DNAH6: variants seen among roughly 807,000 people sequenced by gnomAD.
DNAH6 encodes the protein dynein axonemal heavy chain 6.
In DNAH6, 340 loss-of-function variants were observed where a neutral mutation model predicts 491.4. The observed-to-expected ratio is 0.69, with a 90% CI of 0.63 to 0.76. The LOEUF is 0.76. Among genes scored for constraint, DNAH6 ranks in the 30% least tolerant of loss-of-function variants. DNAH6 has a pLI of 0.00. For synonymous variants in DNAH6, 1,603 were observed against 1,686.1 expected, an observed-to-expected ratio of 0.95 and a Z score of 1.21; for missense variants, 4,443 against 4,972.2, an observed-to-expected ratio of 0.89 and a Z score of 3.20.
chr2:84,605,660 G>A, intron 20 of DNAH6, 68 bp downstream of exon 20: 1 of 1,021,828 alleles, frequency 9.8e-7, no homozygotes. Context: ...AATCTTCTGT[G>A]AGAGATTATG....
chr2:84,481,282 CAA>C, the DNAH6 span, among the ~76,000 whole-genome samples: 1 of 152,146 alleles, frequency 6.6e-6, no homozygotes, highest in Non-Finnish European at 1.5e-5. Flanking sequence ...TGATTTTAGG[CAA>C]AGACTTTCAA....
rs1245096266 is a variant in DNAH6 at position 84,658,330 on chromosome 2, C to T, written c.5796C>T (p.Phe1932=). 6 of 1,540,970 alleles carry T rather than the reference C, an allele frequency of 3.9e-6. No individual in the cohort carries two copies. The highest frequency in any genetic ancestry group is 1.4e-5 in the African/African-American group (1 of 72,488). Residue 1932 remains phenylalanine, a synonymous_variant, in exon 36 of 77, where the codon TTC becomes TTT. Coordinates refer to ENST00000389394, the MANE Select transcript of DNAH6 (RefSeq NM_001370.2). ...CCCAAGAATATATATTGAATCTTTT[C>T]CAACGTTATGTTGATGAAGGTTTAC... The part of the protein sequence containing the change: ...EETQEYILNL[F]QRYVDEGLHF...
rs187550642 is a variant in DNAH6, at chr2:84,702,704, G to A, written c.8062-691G>A. ...ACTATAGTCAACCGCCACCACGCCC[G>A]ACTAATTTTTTGTATTTTTAGTAGA... is the stretch of plus-strand genomic sequence containing the variant. On this transcript the variant is annotated intron_variant, in intron 49 of 76. Transcript: ENST00000389394. Among the ~76,000 whole-genome samples, 361 of 151,916 alleles carry A rather than the reference G, an allele frequency of 2.4e-3. 4 individuals are homozygous for A. Among genetic ancestry groups the A allele is most frequent in the Admixed American group, 0.02 (312 of 15,256 alleles).
intron 42 of DNAH6, among the ~76,000 whole-genome samples, chr2:84,682,305 C>T (rs1427720427): frequency 1.3e-5 from 2 of 152,256 alleles, no homozygotes; most frequent in African/African-American, 4.8e-5. Flanking sequence ...GCAGGCTCTC[C>T]TGGGGTCCCC....
At position 84,705,490 on chromosome 2, in the gene DNAH6, G is replaced by C. The variant is rs1041621717; in HGVS notation, c.8470G>C (p.Asp2824His). 3 of 1,545,514 alleles carry C rather than the reference G, an allele frequency of 1.9e-6. No individual in the cohort carries two copies. The highest frequency in any genetic ancestry group is 4.0e-5 in the Admixed American group (2 of 50,130). Residue 2824 changes from aspartate (D) to histidine (H), a missense_variant, in exon 52 of 77, where the codon GAT (aspartate) becomes CAT (histidine). Physicochemically the swap from Asp to His is moderately conservative, Grantham distance 81. This residue lies in a region of DNAH6 where 1,463 missense variants were observed against 1,656.6 expected (regional missense o/e 0.88). Transcript: ENST00000389394. ...TATATCATGTCTGTCTTTCAGGCCT[G>C]ATTGGCCATCAGCAAAGCAACTTCT... is the stretch of plus-strand genomic sequence containing the variant. ...AISILLNAKP[D>H]WPSAKQLLGD...
At chr2:84,561,590 C>T (rs1680682254) in intron 11 of DNAH6, among the ~76,000 whole-genome samples, 1 of 152,164 alleles carries the variant, frequency 6.6e-6, no homozygotes, top group Non-Finnish European at 1.5e-5. Flanking sequence ...AAACTACCAT[C>T]AGAGTGAACA....
intron 68 of DNAH6, among the ~76,000 whole-genome samples, chr2:84,792,244 T>C (rs918927386): frequency 5.9e-5 from 9 of 151,698 alleles, no homozygotes. Context: ...AAATGGGGAG[T>C]TGTTGTTCAG....
At chr2:84,480,705 G>A in the DNAH6 span, among the ~76,000 whole-genome samples, 2 of 152,200 alleles carry the variant, frequency 1.3e-5, no homozygotes, top group East Asian at 3.8e-4. Context: ...GCTCACGCCT[G>A]TAATCCCAGC....
At position 84,815,927 on chromosome 2, in the gene DNAH6, A is replaced by G; in HGVS notation, c.12217A>G (p.Lys4073Glu). Residue 4073 changes from lysine to glutamate, a missense_variant, in exon 76 of 77, where the codon AAG (lysine) becomes GAG (glutamate). Lys to Glu is a moderately conservative substitution (Grantham distance 56, BLOSUM62 1). Around this residue, in one of 3 missense-constraint regions of DNAH6, gnomAD observed 1,463 missense variants for 1,656.6 expected, o/e 0.88. Coordinates refer to ENST00000389394, the MANE Select transcript of DNAH6 (RefSeq NM_001370.2). ...CATGGATGCTTCTCGATGGGATGAT[A>G]AGGAGATGGTGATAGAAGATGCATT... ...MFMDASRWDD[K>E]EMVIEDALPG... is the part of the protein sequence containing the mutation. The G allele has an allele frequency of 6.4e-7, 1 of 1,551,828 alleles. No individual in the cohort carries two copies. The highest frequency in any genetic ancestry group is 8.7e-7 in the Non-Finnish European group (1 of 1,147,042).
intron 72 of DNAH6, among the ~76,000 whole-genome samples, chr2:84,811,397 A>G (rs1368323381): frequency 6.6e-6 from 1 of 152,198 alleles, no homozygotes; most frequent in Non-Finnish European, 1.5e-5. Context: ...GTCTTTAGCC[A>G]GGTGGCAAAC....
intron 70 of DNAH6, among the ~76,000 whole-genome samples, chr2:84,798,988 C>T (rs1244276286): frequency 2.9e-5 from 4 of 136,636 alleles, no homozygotes; most frequent in Non-Finnish European, 3.2e-5. Flanking sequence ...TTTTTCTTTC[C>T]TTTTTTTTTT....
At chr2:84,580,735 G>T (rs138668917) in intron 14 of DNAH6, among the ~76,000 whole-genome samples, 24 of 106,714 alleles carry the variant, frequency 2.2e-4, no homozygotes, top group African/African-American at 6.4e-4. Context: ...ATTATTGTTT[G>T]TATTCATTAA....
At chr2:84,578,335 C>T (rs567170435) in intron 13 of DNAH6, among the ~76,000 whole-genome samples, 1 of 152,226 alleles carries the variant, frequency 6.6e-6, no homozygotes, top group African/African-American at 2.4e-5. Flanking sequence ...TCAACAAGCA[C>T]TTTTTAGCTA....
chr2:84,705,518 G>C lies in DNAH6; in HGVS notation c.8498G>C (p.Gly2833Ala), dbSNP rs775656015. 255 of 1,549,642 alleles carry C rather than the reference G, an allele frequency of 1.6e-4. 1 individual carries two copies. Among genetic ancestry groups the C allele is most frequent in the Admixed American group, 1.8e-4 (9 of 50,650 alleles). Reference protein sequence around the residue: ...PDWPSAKQLLGDSNFLKRLLE... With the variant: ...PDWPSAKQLLADSNFLKRLLE... ...TGGCCATCAGCAAAGCAACTTCTTGGTGACTCTAACTTTCTAAAAAGGCTT... is the reference window on the plus strand; with the variant it reads ...TGGCCATCAGCAAAGCAACTTCTTGCTGACTCTAACTTTCTAAAAAGGCTT... The change falls in exon 52 of 77, where the codon GGT becomes GCT. Residue 2833 changes from glycine (G) to alanine (A), a missense_variant. Coordinates refer to ENST00000389394, the MANE Select transcript of DNAH6 (RefSeq NM_001370.2).
At chr2:84,602,831 C>G (rs1281096803) in intron 18 of DNAH6, among the ~76,000 whole-genome samples, 2 of 111,320 alleles carry the variant, frequency 1.8e-5, no homozygotes, top group African/African-American at 3.3e-5. Flanking sequence ...TCTTTTTTCT[C>G]TGTGTGTCAG....
At chr2:84,570,777 G>A (rs917350245) in intron 11 of DNAH6, among the ~76,000 whole-genome samples, 6 of 152,140 alleles carry the variant, frequency 3.9e-5, no homozygotes, top group Non-Finnish European at 8.8e-5. Context: ...AACCCACTCG[G>A]GTCCCCTTCC....
intron 63 of DNAH6, among the ~76,000 whole-genome samples, chr2:84,753,556 G>A (rs1214498512): frequency 2.0e-5 from 3 of 151,638 alleles, no homozygotes; most frequent in Non-Finnish European, 4.4e-5. Context: ...TCGGGAGTTC[G>A]AGACCAGCCT....
intron 42 of DNAH6, among the ~76,000 whole-genome samples, chr2:84,683,913 G>T (rs1294447310): frequency 2.0e-5 from 3 of 152,134 alleles, no homozygotes; most frequent in African/African-American, 7.2e-5. Context: ...ACAAGTCTGG[G>T]AATGAACTGG....
chr2:84,623,072 T>TA (rs1246009554), intron 26 of DNAH6, among the ~76,000 whole-genome samples: 1 of 152,200 alleles, frequency 6.6e-6, no homozygotes, highest in African/African-American at 2.4e-5. Context: ...ACCCTTGTCT[T>TA]ACACCATACA....
Sources: gnomAD v4.1 joint callset for allele counts (sites outside exome capture counted in the v4.1 genomes callset) on GRCh38, gnomAD v4.1.1 for gene constraint, gnomAD v4.1.1 regional missense constraint, MANE v1.5 for transcripts, NCBI Gene and HGNC (gene_info 2026-07-23, HGNC 2026-07-21) for gene names.